The following ASB4 variants were observed in gnomAD, a reference collection of about 807,000 sequenced individuals.
The protein encoded by ASB4 is ankyrin repeat and SOCS box containing 4.
A neutral mutation model predicts 38.6 loss-of-function variants in ASB4; 35 were observed. The ratio of observed to expected loss-of-function variants is 0.91; its 90% confidence interval spans 0.69 to 1.20. The LOEUF (loss-of-function observed/expected upper bound fraction) is 1.20, where lower values mean the gene tolerates loss of function less well. Ranked by LOEUF, ASB4 falls within the 50% of genes most tolerant of loss-of-function variation. The pLI is 0.00. For synonymous variants in ASB4, 195 were observed against 201.3 expected (o/e 0.97, Z 0.26); for missense variants, 557 against 527.2 (o/e 1.06, Z -0.55).
intron 2 of ASB4, among the ~76,000 whole-genome samples, chr7:95,499,648 G>T (rs549415354): frequency 6.6e-6 from 1 of 152,102 alleles, no homozygotes; most frequent in Non-Finnish European, 1.5e-5. Flanking sequence ...AAGAAGTGAG[G>T]CTGCAGAAGT....
At chr7:95,536,320 G>C in intron 3 of ASB4, 117 bp from the exon 4 acceptor site, 1 of 614,796 alleles carries the variant, frequency 1.6e-6, no homozygotes, top group East Asian at 3.0e-5. Context: ...AAGTAGCTGG[G>C]ATTACAGGCA....
intron 2 of ASB4, among the ~76,000 whole-genome samples, chr7:95,523,666 A>G (rs1790695047): frequency 6.6e-6 from 1 of 152,274 alleles, no homozygotes; most frequent in Admixed American, 6.5e-5. Flanking sequence ...TAATAATTCT[A>G]TTTTGGGGGA....
chr7:95,492,859 G>A (rs2116584102), intron 1 of ASB4, among the ~76,000 whole-genome samples: 1 of 152,322 alleles, frequency 6.6e-6, no homozygotes, highest in African/African-American at 2.4e-5. Flanking sequence ...GACTGATTAA[G>A]TATTGAAGTT....
At chr7:95,513,732 A>T (rs1304242053) in intron 2 of ASB4, among the ~76,000 whole-genome samples, 1 of 152,108 alleles carries the variant, frequency 6.6e-6, no homozygotes, top group African/African-American at 2.4e-5. Context: ...CATAACTGTA[A>T]ATAATCAATT....
At chr7:95,519,765 A>T (rs1790634370) in intron 2 of ASB4, among the ~76,000 whole-genome samples, 1 of 152,194 alleles carries the variant, frequency 6.6e-6, no homozygotes, top group Non-Finnish European at 1.5e-5. Context: ...AGGTGATGTT[A>T]AAAAGGCAGC....
chr7:95,483,235 G>A (rs374986166), upstream of ASB4, among the ~76,000 whole-genome samples: 2 of 152,292 alleles, frequency 1.3e-5, no homozygotes, highest in South Asian at 2.1e-4. Context: ...ATGAGGTCTC[G>A]TAAGCTGCAC....
At chr7:95,534,927 A>G (rs1790867792) in intron 3 of ASB4, among the ~76,000 whole-genome samples, 1 of 152,062 alleles carries the variant, frequency 6.6e-6, no homozygotes, top group Non-Finnish European at 1.5e-5. Context: ...GTCAATCCCA[A>G]GCTCTTCAGG....
In ASB4 at chr7:95,486,252, GTTTC is replaced by G. The variant is rs1174102852; in HGVS notation, c.187+98_187+101del. 8.8e-6 allele frequency: 8 copies of G among 912,134 alleles called. No individual in the cohort carries two copies. The East Asian group carries it at 1.0e-4, about 12-fold the overall frequency. The allele number at this position is 912,134 out of a possible 1,614,324, so 56.5% of individuals were successfully genotyped here. ...TCCACTCTAAACAGTAGTTTTTATT[GTTTC>G]TTTAAGTATTCATTTAAAAAATATT... On this transcript the variant is annotated intron_variant, in intron 1 of 4. Transcript: ENST00000325885.
chr7:95,515,025 A>C (rs1428553606), intron 2 of ASB4, among the ~76,000 whole-genome samples: 1 of 152,176 alleles, frequency 6.6e-6, no homozygotes, highest in Non-Finnish European at 1.5e-5. Context: ...ACACCTAGGC[A>C]TCCCTGTGTT....
the ASB4 span, among the ~76,000 whole-genome samples, chr7:95,545,779 G>C: frequency 6.6e-6 from 1 of 152,106 alleles, no homozygotes; most frequent in African/African-American, 2.4e-5. Flanking sequence ...GACCAAGCTA[G>C]GATTAAAAAC....
chr7:95,524,760 A>G (rs1161674426), intron 2 of ASB4, among the ~76,000 whole-genome samples: 1 of 152,216 alleles, frequency 6.6e-6, no homozygotes, highest in African/African-American at 2.4e-5. Flanking sequence ...GTGGAGACAC[A>G]AATGAGACAG....
At chr7:95,534,233 A>T (rs1790857839) in intron 3 of ASB4, among the ~76,000 whole-genome samples, 1 of 152,048 alleles carries the variant, frequency 6.6e-6, no homozygotes. Flanking sequence ...AATCCCAGCT[A>T]CTTGGGAGGT....
In ASB4 at chr7:95,537,716, T is replaced by G. The variant is rs1790915818; in HGVS notation, c.1238T>G (p.Leu413Trp). The change falls in exon 5 of 5, where the codon TTG becomes TGG. Residue 413 changes from leucine to tryptophan, a missense_variant. Physicochemically the swap from Leu to Trp is moderately conservative, Grantham distance 61. Coordinates refer to ENST00000325885, the MANE Select transcript of ASB4 (RefSeq NM_016116.3). Reference protein sequence around the residue: ...AIPLLSLPLSLKKYLLLEPEG... With the variant: ...AIPLLSLPLSWKKYLLLEPEG... Reference sequence around the variant, plus strand: ...CCTTTGCTTTCCCTCCCATTGTCATTGAAAAAGTACTTGCTTTTAGAGCCA... The same window carrying G: ...CCTTTGCTTTCCCTCCCATTGTCATGGAAAAAGTACTTGCTTTTAGAGCCA... 1 of 1,613,734 alleles carries G rather than the reference T, an allele frequency of 6.2e-7. No homozygotes were observed. The highest frequency in any genetic ancestry group is 1.1e-5 in the South Asian group (1 of 91,060).
upstream of ASB4, among the ~76,000 whole-genome samples, chr7:95,481,826 G>A (rs143137606): frequency 2.6e-5 from 4 of 152,286 alleles, no homozygotes; most frequent in African/African-American, 7.2e-5. Flanking sequence ...TATTTCAAGA[G>A]CAAAGGACAC....
At chr7:95,492,852 T>C (rs543249417) in intron 1 of ASB4, among the ~76,000 whole-genome samples, 1 of 152,324 alleles carries the variant, frequency 6.6e-6, no homozygotes, top group East Asian at 1.9e-4. Context: ...TTAAAATGAC[T>C]GATTAAGTAT....
At chr7:95,479,970 A>G (rs1790009516) in intron 1 of ASB4, among the ~76,000 whole-genome samples, 1 of 152,184 alleles carries the variant, frequency 6.6e-6, no homozygotes, top group Admixed American at 6.6e-5. Context: ...TTCCCTAAAT[A>G]TCAGCATAGC....
chr7:95,491,545 G>A (rs1472355522), intron 1 of ASB4, among the ~76,000 whole-genome samples: 2 of 152,316 alleles, frequency 1.3e-5, no homozygotes, highest in East Asian at 1.9e-4. Context: ...TCTAGGTTTC[G>A]AAGCCCTGGA....
At chr7:95,508,864 A>G (rs1790444613) in intron 2 of ASB4, among the ~76,000 whole-genome samples, 1 of 152,238 alleles carries the variant, frequency 6.6e-6, no homozygotes, top group Non-Finnish European at 1.5e-5. Context: ...AAGAATTGTT[A>G]TAGTGGACAC....
intron 3 of ASB4, among the ~76,000 whole-genome samples, chr7:95,534,187 A>T (rs1790857331): frequency 1.3e-5 from 2 of 152,176 alleles, no homozygotes; most frequent in Non-Finnish European, 2.9e-5. Flanking sequence ...TCTGCTAAAA[A>T]TGCAAAAATT....
Sources: gnomAD v4.1 joint callset for allele counts (sites outside exome capture counted in the v4.1 genomes callset) on GRCh38, gnomAD v4.1.1 for gene constraint, MANE v1.5 for transcripts, NCBI Gene and HGNC (gene_info 2026-07-23, HGNC 2026-07-21) for gene names.